STK4: variants seen among roughly 807,000 people sequenced by gnomAD.
STK4 encodes serine/threonine-protein kinase 4.
Under a neutral mutation model 64.9 loss-of-function variants are expected in STK4, and 30 were observed. The ratio of observed to expected loss-of-function variants is 0.46; its 90% CI spans 0.35 to 0.63. The LOEUF (loss-of-function observed/expected upper bound fraction) is 0.63, where lower values mean the gene tolerates loss of function less well. Ranked by LOEUF, STK4 falls within the 20% of genes least tolerant of loss-of-function variation. The pLI is 0.01. For synonymous variants in STK4, 177 were observed against 199.0 expected (o/e 0.89, Z 0.93); for missense variants, 466 against 598.5 (o/e 0.78, Z 2.31).
intron 2 of STK4, 26 bp downstream of exon 2, chr20:44,972,184 G>A (rs1301694686): frequency 1.9e-6 from 3 of 1,592,796 alleles, no homozygotes; most frequent in Admixed American, 3.4e-5. Context: ...CTATAGGTAG[G>A]TCATTGGGTC....
chr20:45,075,154 A>G lies in STK4; in HGVS notation c.1442A>G (p.Lys481Arg), dbSNP rs766401074. Reference sequence around the variant, plus strand: ...ATCCTGGATGCCATAGAGGCTAAGAAGAGACGGCAACAAAACTTCTGAGCA... The same window carrying G: ...ATCCTGGATGCCATAGAGGCTAAGAGGAGACGGCAACAAAACTTCTGAGCA... ...QPILDAIEAK[K>R]RRQQNF Residue 481 changes from lysine to arginine, a missense_variant, in exon 11 of 11, where the codon AAG becomes AGG. Transcript: ENST00000372806. The G allele has an allele frequency of 3.1e-6, 5 of 1,614,014 alleles. No individual in the cohort carries two copies. The South Asian group carries it at 3.3e-5, about 11-fold the overall frequency.
intron 10 of STK4, among the ~76,000 whole-genome samples, chr20:45,030,585 T>C (rs1454152766): frequency 2.0e-5 from 3 of 152,218 alleles, no homozygotes; most frequent in Non-Finnish European, 4.4e-5. Context: ...CAAAACTTCA[T>C]ATTTTCATCT....
At chr20:44,972,028 A>G (rs779369528) in intron 1 of STK4, 50 bp from the exon 2 acceptor site, 3 of 1,524,952 alleles carry the variant, frequency 2.0e-6, no homozygotes, top group Admixed American at 3.4e-5. Flanking sequence ...TTTATGTTCT[A>G]GTTCCTAGCA....
chr20:45,030,915 G>C (rs1292279249), intron 10 of STK4, among the ~76,000 whole-genome samples: 1 of 152,128 alleles, frequency 6.6e-6, no homozygotes, highest in Admixed American at 6.5e-5. Flanking sequence ...AGATGACCCA[G>C]GCTGGGTGCA....
intron 10 of STK4, among the ~76,000 whole-genome samples, chr20:45,028,728 C>A (rs1271546710): frequency 6.6e-6 from 1 of 152,110 alleles, no homozygotes; most frequent in Non-Finnish European, 1.5e-5. Flanking sequence ...TCTATTCAGG[C>A]CTTTTGCCCA....
At chr20:44,971,631 G>A (rs1378517896) in intron 1 of STK4, among the ~76,000 whole-genome samples, 1 of 148,802 alleles carries the variant, frequency 6.7e-6, no homozygotes, top group East Asian at 2.0e-4. Context: ...AGGATACATC[G>A]AATGCTTGAA....
In STK4 at chr20:45,051,630, T is replaced by C. The variant is rs137958439; in HGVS notation, c.1306-23388T>C. Among the ~76,000 whole-genome samples the C allele has an allele frequency of 5.0e-3, 769 of 152,360 alleles. 8 individuals carry two copies. Among genetic ancestry groups the C allele is most frequent in the African/African-American group, 0.018 (735 of 41,588 alleles). ...ATGCATTGCTCTATCACATGGATTC[T>C]TTTTATAGCTTCATTAGAGGTGTTT... On this transcript the variant is annotated intron_variant, in intron 10 of 10. Transcript: ENST00000372806.
chr20:45,001,556 A>T (rs1471686565), intron 9 of STK4, among the ~76,000 whole-genome samples: 1 of 152,192 alleles, frequency 6.6e-6, no homozygotes, highest in Non-Finnish European at 1.5e-5. Flanking sequence ...TCAAGAAAGC[A>T]TCAACAGTGA....
chr20:44,971,336 A>G (rs2067242387), intron 1 of STK4, among the ~76,000 whole-genome samples: 1 of 152,192 alleles, frequency 6.6e-6, no homozygotes, highest in Non-Finnish European at 1.5e-5. Flanking sequence ...GGTCTTTGTG[A>G]GAATATCTGA....
chr20:45,039,499 T>C (rs972797965), intron 10 of STK4, among the ~76,000 whole-genome samples: 11 of 152,138 alleles, frequency 7.2e-5, no homozygotes, highest in South Asian at 2.1e-4. Flanking sequence ...AGTGACAGAC[T>C]CACTTTTTTC....
intron 9 of STK4, among the ~76,000 whole-genome samples, chr20:45,001,594 A>C (rs1164139643): frequency 6.6e-6 from 1 of 152,202 alleles, no homozygotes; most frequent in Non-Finnish European, 1.5e-5. Flanking sequence ...GAACCAGAGC[A>C]GCCATTTTCT....
intron 9 of STK4, among the ~76,000 whole-genome samples, chr20:45,019,630 T>C (rs550490754): frequency 8.2e-4 from 125 of 152,360 alleles, no homozygotes; most frequent in Non-Finnish European, 1.2e-3. Context: ...AATTCATGCA[T>C]TTCCGGCATC....
At chr20:45,044,171 G>A (rs1042901676) in intron 10 of STK4, among the ~76,000 whole-genome samples, 1 of 152,040 alleles carries the variant, frequency 6.6e-6, no homozygotes, top group African/African-American at 2.4e-5. Flanking sequence ...ATGAACTGTT[G>A]AGGTTAACGG....
intron 10 of STK4, among the ~76,000 whole-genome samples, chr20:45,048,357 G>A (rs2068727344): frequency 1.3e-5 from 2 of 152,200 alleles, no homozygotes; most frequent in Non-Finnish European, 2.9e-5. Context: ...TTATTTACAT[G>A]TGTAACACTT....
chr20:44,976,420 T>C (rs1165756403), intron 2 of STK4, among the ~76,000 whole-genome samples: 2 of 152,230 alleles, frequency 1.3e-5, no homozygotes, highest in African/African-American at 2.4e-5. Context: ...TTGAAGAAGT[T>C]TATGAAGTGC....
intron 10 of STK4, among the ~76,000 whole-genome samples, chr20:45,032,102 A>G (rs1309034001): frequency 2.0e-5 from 3 of 152,184 alleles, no homozygotes; most frequent in South Asian, 4.1e-4. Context: ...TATAGTTTCA[A>G]GAAGTTAATC....
Position 44,981,823 on chromosome 20 carries a change from C to T in STK4, c.246-6C>T, listed in dbSNP as rs774094516. On this transcript the variant is annotated splice_region_variant and splice_polypyrimidine_tract_variant and intron_variant, in intron 3 of 10. Coordinates refer to ENST00000372806, the MANE Select transcript of STK4 (RefSeq NM_006282.5). ...TTATTAATTTGTATTGTCTCTCTCT[C>T]TCTAGCCCTCATGTAGTCAAATATT... is the stretch of plus-strand genomic sequence containing the variant. 3.2e-6 allele frequency: 5 copies of T among 1,560,826 alleles called. No homozygotes were observed. The highest frequency in any genetic ancestry group is 4.4e-6 in the Non-Finnish European group (5 of 1,131,616).
chr20:45,054,897 C>T (rs1978339507), intron 10 of STK4, among the ~76,000 whole-genome samples: 1 of 152,196 alleles, frequency 6.6e-6, no homozygotes, highest in Non-Finnish European at 1.5e-5. Flanking sequence ...AATCTGCCCT[C>T]TCATTAAGGC....
At chr20:45,041,889 G>A (rs2068619902) in intron 10 of STK4, among the ~76,000 whole-genome samples, 1 of 152,084 alleles carries the variant, frequency 6.6e-6, no homozygotes, top group Non-Finnish European at 1.5e-5. Flanking sequence ...TAACAACCTG[G>A]AGGCCTGGAA....
Sources: allele counts gnomAD v4.1 joint callset (sites outside exome capture counted in the v4.1 genomes callset), GRCh38; gene constraint gnomAD v4.1.1; transcripts MANE v1.5; gene names NCBI Gene and HGNC (gene_info 2026-07-23, HGNC 2026-07-21).